AGAP5: variants seen among roughly 807,000 people sequenced by gnomAD.
AGAP5 encodes ArfGAP with GTPase domain, ankyrin repeat and PH domain 5, also known as arf-GAP with GTPase, ANK repeat and PH domain-containing protein 5.
In AGAP5, 8 loss-of-function variants were observed where a neutral mutation model predicts 27.7. That is an observed-to-expected ratio of 0.29 (90% CI 0.17 to 0.52). The LOEUF is 0.52. Among genes scored for constraint, AGAP5 ranks in the 20% least tolerant of loss-of-function variants. AGAP5 has a pLI of 0.97. For synonymous variants in AGAP5, 111 were observed against 338.0 expected, an observed-to-expected ratio of 0.33 and a Z score of 7.37; for missense variants, 285 against 880.8, an observed-to-expected ratio of 0.32 and a Z score of 8.56.
chr10:73,691,366 T>C (rs1371049938), intron 4 of AGAP5, among the ~76,000 whole-genome samples: 2 of 152,134 alleles, frequency 1.3e-5, no homozygotes, highest in African/African-American at 2.4e-5. Flanking sequence ...AAACATAAGA[T>C]CATGGTGTAG....
Position 73,697,916 on chromosome 10 carries a change from C to CGGGCACCATCCCT in AGAP5, c.-162_-161insAGGGATGGTGCCC. ...CGGCCCCGGGCACCATCCCTGGCCCCGGCCCCGGCCCCGGCTAGGGCTGCG... is the reference window on the plus strand; with the variant it reads ...CGGCCCCGGGCACCATCCCTGGCCCCGGGCACCATCCCTGGCCCCGGCCCCGGCTAGGGCTGCG... On this transcript the variant is annotated 5_prime_UTR_variant, in exon 1 of 8. The change creates a new upstream start codon in the 5' untranslated region. Transcript: ENST00000374094. 1.3e-6 allele frequency: 2 copies of CGGGCACCATCCCT among 1,529,338 alleles called. No homozygotes were observed. The highest frequency in any genetic ancestry group is 1.7e-6 in the Non-Finnish European group (2 of 1,143,328). 94.7% of individuals were successfully genotyped at this position (1,529,338 alleles called of 1,614,324 possible). A position where few individuals can be genotyped will look rare whatever the true frequency, so the allele number is the denominator to read the frequency against.
chr10:73,690,926 GCC>G (rs112235550), intron 4 of AGAP5, among the ~76,000 whole-genome samples: 1 of 152,154 alleles, frequency 6.6e-6, no homozygotes, highest in African/African-American at 2.4e-5. Context: ...AAAGAAAGTT[GCC>G]CCCCAAACAA....
chr10:73,676,291 C>CAA (rs371426814), intron 7 of AGAP5, among the ~76,000 whole-genome samples: 9 of 71,786 alleles, frequency 1.3e-4, no homozygotes, highest in African/African-American at 3.5e-4. Flanking sequence ...CCTGTCTTTA[C>CAA]AAAAAAAAAA....
intron 4 of AGAP5, among the ~76,000 whole-genome samples, chr10:73,687,219 C>T (rs2082072245): frequency 6.6e-6 from 1 of 152,192 alleles, no homozygotes; most frequent in Non-Finnish European, 1.5e-5. Flanking sequence ...TCCTTTTGGG[C>T]AGGACAAATT....
intron 4 of AGAP5, among the ~76,000 whole-genome samples, chr10:73,687,321 T>C (rs2082073359): frequency 6.6e-6 from 1 of 152,118 alleles, no homozygotes; most frequent in Non-Finnish European, 1.5e-5. Flanking sequence ...GTGGTGCAAT[T>C]ATAGTTAACT....
intron 4 of AGAP5, among the ~76,000 whole-genome samples, chr10:73,685,553 C>CTT (rs531865280): frequency 3.6e-5 from 5 of 139,290 alleles, no homozygotes; most frequent in Non-Finnish European, 4.7e-5. Context: ...GGTGGATTAT[C>CTT]TTTTTTTTTT....
chr10:73,685,714 G>A (rs1236313486), intron 4 of AGAP5, among the ~76,000 whole-genome samples: 15 of 151,962 alleles, frequency 9.9e-5, no homozygotes, highest in African/African-American at 3.6e-4. Flanking sequence ...CACCACGCCC[G>A]GCTAACTTTT....
intron 4 of AGAP5, among the ~76,000 whole-genome samples, chr10:73,689,090 G>A (rs1050627246): frequency 4.6e-5 from 7 of 152,194 alleles, no homozygotes; most frequent in Admixed American, 1.3e-4. Flanking sequence ...CTCCCTGCCT[G>A]ATTCTCCTGC....
chr10:73,696,257 A>T (rs1350895922), intron 2 of AGAP5, among the ~76,000 whole-genome samples: 2 of 152,064 alleles, frequency 1.3e-5, no homozygotes, highest in Non-Finnish European at 2.9e-5. Context: ...ACCTCAGGTG[A>T]TCTGCCTGCC....
chr10:73,678,273 G>A (rs1273354387), intron 6 of AGAP5, among the ~76,000 whole-genome samples: 1 of 152,040 alleles, frequency 6.6e-6, no homozygotes, highest in African/African-American at 2.4e-5. Flanking sequence ...CCACACATCT[G>A]TGGTCCCAGC....
intron 4 of AGAP5, among the ~76,000 whole-genome samples, chr10:73,690,090 AC>A (rs959207539): frequency 5.3e-5 from 8 of 151,708 alleles, no homozygotes; most frequent in Non-Finnish European, 8.8e-5. Flanking sequence ...CCCGGCCACC[AC>A]CCCGTCTGGG....
At chr10:73,697,406 G>A (rs1485956455) in intron 1 of AGAP5, 127 bp downstream of exon 1, 6 of 1,579,540 alleles carry the variant, frequency 3.8e-6, no homozygotes, top group East Asian at 4.5e-5. Context: ...TTTGTTCCTG[G>A]CCAGCCCCCG....
rs562573110 is a variant in AGAP5, at chr10:73,689,400, A to G, written c.396+2643T>C. Among the ~76,000 whole-genome samples, 415 of 151,688 alleles carry G rather than the reference A, an allele frequency of 2.7e-3. 2 individuals carry two copies. Among genetic ancestry groups the G allele is most frequent in the African/African-American group, 7.9e-3 (325 of 41,352 alleles). On this transcript the variant is annotated intron_variant, in intron 4 of 7. Coordinates refer to ENST00000374094, the MANE Select transcript of AGAP5 (RefSeq NM_001144000.4). ...AGTGCTGAGATTGCAGCCTCTGCCC[A>G]GCCGCCACCCCGTCTGGGAAGTGAG...
chr10:73,695,366 A>G (rs1369023942), intron 2 of AGAP5, among the ~76,000 whole-genome samples: 1 of 152,188 alleles, frequency 6.6e-6, no homozygotes, highest in Non-Finnish European at 1.5e-5. Context: ...TAGGGAGAAC[A>G]TACACAGGCC....
At chr10:73,695,816 G>A (rs1272849928) in intron 2 of AGAP5, among the ~76,000 whole-genome samples, 3 of 151,924 alleles carry the variant, frequency 2.0e-5, no homozygotes, top group African/African-American at 7.3e-5. Flanking sequence ...GATTTAATAT[G>A]TTTATGATGC....
At chr10:73,684,486 AGT>A (rs2082048902) in intron 4 of AGAP5, among the ~76,000 whole-genome samples, 1 of 148,018 alleles carries the variant, frequency 6.8e-6, no homozygotes, top group South Asian at 2.2e-4. Context: ...AACTTCGACA[AGT>A]GTTTGACAAT....
In AGAP5 at chr10:73,675,273, C is replaced by T. The variant is rs1174628845; in HGVS notation, c.1387G>A (p.Glu463Lys). The T allele has an allele frequency of 6.2e-7, 1 of 1,611,546 alleles. No homozygotes were observed. Among genetic ancestry groups the T allele is most frequent in the Non-Finnish European group, 8.5e-7 (1 of 1,179,512 alleles). Reference sequence around the variant, plus strand: ...TGGATCGACTGCAGGGCCATGGCCTCGCTCTGGCTGGTCAGCTGGGACTTG... The same window carrying T: ...TGGATCGACTGCAGGGCCATGGCCTTGCTCTGGCTGGTCAGCTGGGACTTG... ...KSKSQLTSQSEAMALQSIQNM... is the reference protein window; with the variant it reads ...KSKSQLTSQSKAMALQSIQNM... The change falls in exon 8 of 8, where the codon GAG becomes AAG. Residue 463 changes from glutamate to lysine, a missense_variant. Coordinates refer to ENST00000374094, the MANE Select transcript of AGAP5 (RefSeq NM_001144000.4).
At chr10:73,685,826 C>T (rs1389605274) in intron 4 of AGAP5, among the ~76,000 whole-genome samples, 1 of 152,152 alleles carries the variant, frequency 6.6e-6, no homozygotes, top group Non-Finnish European at 1.5e-5. Flanking sequence ...GCTGGGATTA[C>T]AGGTGTGAGC....
intron 4 of AGAP5, among the ~76,000 whole-genome samples, chr10:73,687,460 T>C (rs1470762997): frequency 6.6e-6 from 1 of 152,224 alleles, no homozygotes; most frequent in African/African-American, 2.4e-5. Flanking sequence ...GGTCTTGCTA[T>C]GTTGACCAGG....
Sources: gnomAD v4.1 joint callset for allele counts (sites outside exome capture counted in the v4.1 genomes callset) on GRCh38, gnomAD v4.1.1 for gene constraint, MANE v1.5 for transcripts, NCBI Gene and HGNC (gene_info 2026-07-23, HGNC 2026-07-21) for gene names.